The following IQGAP2 variants were observed in gnomAD, a reference collection of about 807,000 sequenced individuals.
IQGAP2 encodes ras GTPase-activating-like protein IQGAP2.
In IQGAP2, 173 loss-of-function variants were observed where a neutral mutation model predicts 201.3. That is an observed-to-expected ratio of 0.86 (90% confidence interval 0.76 to 0.98). The LOEUF is 0.98. Among genes scored for constraint, IQGAP2 ranks in the 50% least tolerant of loss-of-function variants. The pLI is 0.00. For synonymous variants in IQGAP2, 675 were observed against 673.9 expected (o/e 1.00, Z -0.03); for missense variants, 1,687 against 1,864.8 (o/e 0.90, Z 1.76).
intron 2 of IQGAP2, among the ~76,000 whole-genome samples, chr5:76,558,956 A>G (rs1190628418): frequency 2.0e-5 from 3 of 151,600 alleles, no homozygotes; most frequent in Non-Finnish European, 4.4e-5. Context: ...GCTGGAGTGC[A>G]GTGGCGCGAT....
chr5:76,628,886 G>A (rs183070415), intron 14 of IQGAP2: 147 of 314,038 alleles, frequency 4.7e-4, no homozygotes, highest in African/African-American at 2.8e-3. Flanking sequence ...TAAAACTGAA[G>A]GAAGCCATGG....
intron 17 of IQGAP2, among the ~76,000 whole-genome samples, chr5:76,641,434 T>C (rs949235927): frequency 6.6e-6 from 1 of 152,152 alleles, no homozygotes; most frequent in African/African-American, 2.4e-5. Context: ...CAATTTGGCT[T>C]TTTTGTGGTT....
chr5:76,702,960 C>T (rs945657533), intron 35 of IQGAP2, among the ~76,000 whole-genome samples: 5 of 133,564 alleles, frequency 3.7e-5, no homozygotes, highest in Admixed American at 3.7e-4. Flanking sequence ...CTGGAACTTT[C>T]ATGATCTCAT....
intron 4 of IQGAP2, among the ~76,000 whole-genome samples, chr5:76,574,625 T>C (rs1745345662): frequency 6.6e-6 from 1 of 152,172 alleles, no homozygotes; most frequent in Admixed American, 6.5e-5. Context: ...GAGTAAGAAA[T>C]AGTATGTAGG....
At position 76,667,877 on chromosome 5, in the gene IQGAP2, C is replaced by CTTTTTTTTTTTTTTT. The variant is rs540744402; in HGVS notation, c.2680-795_2680-781dup. On this transcript the variant is annotated intron_variant, in intron 22 of 35. Coordinates refer to ENST00000274364, the MANE Select transcript of IQGAP2 (RefSeq NM_006633.5). ...TGTAGCCGGGCCCTTAGTCCACTTT[C>CTTTTTTTTTTTTTTT]TTTTTTTTTTTTTTTTTTTTTTTGA... Among the ~76,000 whole-genome samples, 51 of 123,418 alleles carry CTTTTTTTTTTTTTTT rather than the reference C, an allele frequency of 4.1e-4. 3 individuals are homozygous for CTTTTTTTTTTTTTTT. The highest frequency in any genetic ancestry group is 1.6e-3 in the African/African-American group (51 of 31,942). The allele number at this position is 123,418 out of a possible 152,430, so 81.0% of individuals were successfully genotyped here.
At chr5:76,640,883 G>A (rs754055087) in intron 16 of IQGAP2, 50 bp from the exon 17 acceptor site, 6 of 1,308,072 alleles carry the variant, frequency 4.6e-6, no homozygotes, top group Non-Finnish European at 4.2e-6. Context: ...TTCTATGTGT[G>A]CCTTTCAGCT....
At chr5:76,618,792 T>C in intron 13 of IQGAP2, 1 of 697,580 alleles carries the variant, frequency 1.4e-6, no homozygotes, top group Admixed American at 2.9e-5. Flanking sequence ...AACAAGCATA[T>C]ATTTAATACA....
intron 2 of IQGAP2, among the ~76,000 whole-genome samples, chr5:76,517,754 G>T (rs1207229011): frequency 6.6e-6 from 1 of 152,088 alleles, no homozygotes; most frequent in African/African-American, 2.4e-5. Context: ...ACGAGTATGC[G>T]ATTGTTGAAT....
At chr5:76,589,491 C>T in intron 6 of IQGAP2, 124 bp from the exon 7 acceptor site, 2 of 552,572 alleles carry the variant, frequency 3.6e-6, no homozygotes, top group Non-Finnish European at 6.3e-6. Flanking sequence ...TCCTAAGGCT[C>T]TTGTTTACAA....
intron 13 of IQGAP2, among the ~76,000 whole-genome samples, chr5:76,613,542 G>T (rs1005307573): frequency 7.2e-5 from 11 of 152,198 alleles, no homozygotes; most frequent in African/African-American, 2.4e-4. Flanking sequence ...ATAACTATAG[G>T]TACTATTAAT....
At chr5:76,508,557 A>T (rs1398222878) in intron 2 of IQGAP2, among the ~76,000 whole-genome samples, 1 of 151,444 alleles carries the variant, frequency 6.6e-6, no homozygotes, top group Non-Finnish European at 1.5e-5. Context: ...TTTAATAAAG[A>T]TCAGACCCGG....
intron 9 of IQGAP2, among the ~76,000 whole-genome samples, chr5:76,596,107 T>A: frequency 6.6e-6 from 1 of 152,228 alleles, no homozygotes; most frequent in East Asian, 1.9e-4. Context: ...GTATTTCCTG[T>A]TATTGAATTA....
At chr5:76,470,468 G>T (rs1047452975) in intron 2 of IQGAP2, among the ~76,000 whole-genome samples, 12 of 152,118 alleles carry the variant, frequency 7.9e-5, no homozygotes, top group Non-Finnish European at 2.9e-5. Flanking sequence ...GGAATTTGAG[G>T]ATAAAATTAT....
chr5:76,442,909 C>T (rs1753130740), intron 1 of IQGAP2, among the ~76,000 whole-genome samples: 1 of 152,188 alleles, frequency 6.6e-6, no homozygotes, highest in Non-Finnish European at 1.5e-5. Flanking sequence ...ATCACTTGAA[C>T]CTGGGAGGCA....
At chr5:76,439,419 G>T (rs1752903003) in intron 1 of IQGAP2, among the ~76,000 whole-genome samples, 1 of 152,154 alleles carries the variant, frequency 6.6e-6, no homozygotes. Flanking sequence ...TTGATGATCT[G>T]TCTAGTGCTA....
chr5:76,683,287 T>C, intron 29 of IQGAP2, 70 bp downstream of exon 29: 1 of 996,724 alleles, frequency 1.0e-6, no homozygotes. Context: ...GTTGGTTCGT[T>C]GGTTTTCCTA....
Position 76,597,483 on chromosome 5 carries a change from G to T in IQGAP2, c.952G>T (p.Asp318Tyr). ...DHINAVIPEG[D>Y]PENTLLALKK... is the part of the protein sequence containing the mutation. Reference sequence around the variant, plus strand: ...TATCAATGCTGTCATTCCGGAAGGTGACCCCGAGAATACGCTGCTTGCACT... The same window carrying T: ...TATCAATGCTGTCATTCCGGAAGGTTACCCCGAGAATACGCTGCTTGCACT... Residue 318 changes from aspartate (D) to tyrosine (Y), a missense_variant, in exon 10 of 36, where the codon GAC (aspartate) becomes TAC (tyrosine). Coordinates refer to ENST00000274364, the MANE Select transcript of IQGAP2 (RefSeq NM_006633.5). 1.2e-6 allele frequency: 2 copies of T among 1,614,018 alleles called. No individual in the cohort carries two copies. Among genetic ancestry groups the T allele is most frequent in the Non-Finnish European group, 1.7e-6 (2 of 1,179,992 alleles).
intron 17 of IQGAP2, among the ~76,000 whole-genome samples, chr5:76,641,891 C>T (rs983370630): frequency 3.3e-5 from 5 of 152,192 alleles, no homozygotes; most frequent in African/African-American, 1.2e-4. Flanking sequence ...CTGGTGAACT[C>T]ATCTGCTTTT....
intron 5 of IQGAP2, among the ~76,000 whole-genome samples, chr5:76,580,000 G>A (rs1358661296): frequency 6.6e-6 from 1 of 152,162 alleles, no homozygotes; most frequent in Non-Finnish European, 1.5e-5. Context: ...TATAGGCCAG[G>A]TGTTGTGGCT....
Sources: allele counts gnomAD v4.1 joint callset (sites outside exome capture counted in the v4.1 genomes callset), GRCh38; gene constraint gnomAD v4.1.1; transcripts MANE v1.5; gene names NCBI Gene and HGNC (gene_info 2026-07-23, HGNC 2026-07-21).